The following PTPRR variants were observed in gnomAD, a reference collection of about 807,000 sequenced individuals.
PTPRR encodes the protein receptor-type tyrosine-protein phosphatase R.
PTPRR carries 38 observed loss-of-function variants against 77.2 expected under a neutral mutation model. The ratio of observed to expected loss-of-function variants is 0.49; its 90% confidence interval spans 0.38 to 0.65. The LOEUF (loss-of-function observed/expected upper bound fraction) is 0.65, where lower values mean the gene tolerates loss of function less well. PTPRR is among the 30% of genes least tolerant of loss of function. The pLI is 0.00. For missense variants in PTPRR, 744 were observed against 799.2 expected (o/e 0.93, Z 0.83); for synonymous variants, 299 against 283.1 (o/e 1.06, Z -0.57).
intron 2 of PTPRR, among the ~76,000 whole-genome samples, chr12:70,790,683 A>T (rs764990393): frequency 6.6e-6 from 1 of 151,916 alleles, no homozygotes; most frequent in Non-Finnish European, 1.5e-5. Context: ...TCTACCCTAC[A>T]TCTGTTTCTC....
chr12:70,780,683 A>G (rs1160288316), intron 2 of PTPRR, among the ~76,000 whole-genome samples: 1 of 152,128 alleles, frequency 6.6e-6, no homozygotes, highest in African/African-American at 2.4e-5. Flanking sequence ...CCACATTTCT[A>G]TGGCTTTCCC....
chr12:70,673,448 T>C (rs1374190687), intron 10 of PTPRR, among the ~76,000 whole-genome samples: 2 of 152,260 alleles, frequency 1.3e-5, no homozygotes, highest in Non-Finnish European at 2.9e-5. Context: ...TTGTGAGATA[T>C]TGTTTCACAT....
chr12:70,728,805 G>A (rs991803442), intron 6 of PTPRR, among the ~76,000 whole-genome samples: 2 of 151,858 alleles, frequency 1.3e-5, no homozygotes, highest in Non-Finnish European at 2.9e-5. Flanking sequence ...CACTAAAGAG[G>A]ATGCCTTCTG....
chr12:70,862,838 ACACCAGCC>A (rs1892777053), intron 2 of PTPRR, among the ~76,000 whole-genome samples: 2 of 152,174 alleles, frequency 1.3e-5, no homozygotes, highest in African/African-American at 4.8e-5. Context: ...AAAAAGAAGT[ACACCAGCC>A]ATTCCACCTG....
chr12:70,882,677 C>CGTCT (rs930127324), intron 2 of PTPRR, among the ~76,000 whole-genome samples: 3 of 151,976 alleles, frequency 2.0e-5, no homozygotes, highest in Non-Finnish European at 4.4e-5. Context: ...CCTTGACAGA[C>CGTCT]ATTTTCTAAT....
intron 6 of PTPRR, among the ~76,000 whole-genome samples, chr12:70,727,382 G>A (rs1160033705): frequency 2.0e-5 from 3 of 151,386 alleles, no homozygotes; most frequent in African/African-American, 4.9e-5. Flanking sequence ...ATAAAGATAA[G>A]GTAAAACACA....
At chr12:70,671,168 C>G (rs1052293833) in intron 10 of PTPRR, among the ~76,000 whole-genome samples, 3 of 152,216 alleles carry the variant, frequency 2.0e-5, no homozygotes, top group African/African-American at 7.2e-5. Context: ...ACAGAATTTT[C>G]CTGGTAGTGT....
intron 8 of PTPRR, among the ~76,000 whole-genome samples, chr12:70,689,782 A>T (rs958373340): frequency 6.6e-6 from 1 of 152,174 alleles, no homozygotes; most frequent in African/African-American, 2.4e-5. Flanking sequence ...TTTTGCTGTC[A>T]ATAGCTGGAG....
At chr12:70,741,647 G>A (rs907253376) in intron 6 of PTPRR, among the ~76,000 whole-genome samples, 3 of 152,150 alleles carry the variant, frequency 2.0e-5, no homozygotes, top group Admixed American at 1.3e-4. Context: ...GTGGCGTCTC[G>A]GGGTGTGGAT....
intron 6 of PTPRR, among the ~76,000 whole-genome samples, chr12:70,742,438 C>T (rs1470265584): frequency 6.6e-6 from 1 of 152,072 alleles, no homozygotes; most frequent in Non-Finnish European, 1.5e-5. Context: ...AGTATTAATT[C>T]TTAGGCTTAA....
chr12:70,872,694 C>CAAAAAAAAAAAAAAAAAAAA lies in PTPRR; in HGVS notation c.357+19965_357+19984dup, dbSNP rs377557224. On this transcript the variant is annotated intron_variant, in intron 2 of 13. Transcript: ENST00000283228. ...TGGGCGACAGAGTGAGACTCTGTCTCAAAAAAAAAAAAAAAAAAAAAAAAA... is the reference window on the plus strand; with the variant it reads ...TGGGCGACAGAGTGAGACTCTGTCTCAAAAAAAAAAAAAAAAAAAAAAAAAAAAAAAAAAAAAAAAAAAAA... 9.2e-4 allele frequency among the ~76,000 whole-genome samples: 40 copies of CAAAAAAAAAAAAAAAAAAAA among 43,446 alleles called. 1 individual carries two copies. Among genetic ancestry groups the CAAAAAAAAAAAAAAAAAAAA allele is most frequent in the African/African-American group, 2.7e-3 (20 of 7,300 alleles). The allele number at this position is 43,446 out of a possible 152,430, so 28.5% of individuals were successfully genotyped here.
chr12:70,667,018 C>T (rs931736587), intron 10 of PTPRR, among the ~76,000 whole-genome samples: 1 of 121,444 alleles, frequency 8.2e-6, no homozygotes, highest in African/African-American at 3.3e-5. Context: ...TGCAGTGGCA[C>T]GATCTTGGCT....
intron 8 of PTPRR, among the ~76,000 whole-genome samples, chr12:70,689,669 A>G (rs1887989872): frequency 2.0e-5 from 3 of 151,964 alleles, no homozygotes; most frequent in Admixed American, 1.3e-4. Context: ...TTTATTGCAC[A>G]CTCTCCACCA....
intron 2 of PTPRR, among the ~76,000 whole-genome samples, chr12:70,837,631 G>T (rs1892326728): frequency 6.6e-6 from 1 of 152,056 alleles, no homozygotes; most frequent in Non-Finnish European, 1.5e-5. Flanking sequence ...CAGTGCTGAG[G>T]TTTCATGCCC....
At chr12:70,759,430 C>T (rs1227863431) in intron 4 of PTPRR, among the ~76,000 whole-genome samples, 4 of 152,014 alleles carry the variant, frequency 2.6e-5, no homozygotes, top group East Asian at 1.9e-4. Flanking sequence ...GGAGCATCTT[C>T]GTCTGTGGAG....
intron 13 of PTPRR, among the ~76,000 whole-genome samples, chr12:70,650,595 G>C (rs938966389): frequency 2.0e-5 from 3 of 152,052 alleles, no homozygotes; most frequent in Non-Finnish European, 2.9e-5. Flanking sequence ...GACAATCTGG[G>C]AAACTGGGAA....
intron 1 of PTPRR, among the ~76,000 whole-genome samples, chr12:70,916,463 T>A (rs1837065450): frequency 6.6e-6 from 1 of 152,164 alleles, no homozygotes; most frequent in African/African-American, 2.4e-5. Flanking sequence ...CTAAGGAACA[T>A]CTTAAAATCT....
At chr12:70,894,939 C>T (rs1050093896) in intron 1 of PTPRR, among the ~76,000 whole-genome samples, 5 of 151,666 alleles carry the variant, frequency 3.3e-5, no homozygotes, top group Admixed American at 3.3e-4. Flanking sequence ...GTTTCCATTA[C>T]TATTTCAGGA....
chr12:70,652,656 T>G (rs1230654900), intron 13 of PTPRR, among the ~76,000 whole-genome samples: 2 of 152,128 alleles, frequency 1.3e-5, no homozygotes, highest in African/African-American at 4.8e-5. Flanking sequence ...CAAGATCCTA[T>G]CAGAAGTGAA....
Sources: gnomAD v4.1 joint callset for allele counts (sites outside exome capture counted in the v4.1 genomes callset) on GRCh38, gnomAD v4.1.1 for gene constraint, MANE v1.5 for transcripts, NCBI Gene and HGNC (gene_info 2026-07-23, HGNC 2026-07-21) for gene names.